TRMT10A: variants seen among roughly 807,000 people sequenced by gnomAD.
TRMT10A encodes tRNA methyltransferase 10 homolog A.
A neutral mutation model predicts 40.4 loss-of-function variants in TRMT10A; 37 were observed. The observed-to-expected ratio is 0.92, with a 90% confidence interval of 0.71 to 1.21. The LOEUF (loss-of-function observed/expected upper bound fraction) is 1.21, where lower values mean the gene tolerates loss of function less well. Among genes scored for constraint, TRMT10A ranks in the 50% most tolerant of loss-of-function variants. TRMT10A has a pLI of 0.00. For synonymous variants in TRMT10A, 103 were observed against 134.1 expected, an observed-to-expected ratio of 0.77 and a Z score of 1.60; for missense variants, 388 against 404.3, an observed-to-expected ratio of 0.96 and a Z score of 0.35.
intron 7 of TRMT10A, among the ~76,000 whole-genome samples, chr4:99,550,682 C>T (rs1723926725): frequency 1.3e-5 from 2 of 152,110 alleles, no homozygotes; most frequent in Admixed American, 1.3e-4. Flanking sequence ...TGTAGTAAGA[C>T]ACAGCTAATT....
chr4:99,562,201 A>ATATATATATGTGTG (rs374134499), intron 1 of TRMT10A, among the ~76,000 whole-genome samples: 3 of 136,188 alleles, frequency 2.2e-5, no homozygotes, highest in African/African-American at 8.6e-5. Flanking sequence ...ATATATATAT[A>ATATATATATGTGTG]TGTGTGTGTG....
chr4:99,556,633 C>T (rs1466190819), intron 4 of TRMT10A, among the ~76,000 whole-genome samples: 1 of 151,964 alleles, frequency 6.6e-6, no homozygotes, highest in Non-Finnish European at 1.5e-5. Flanking sequence ...AAGGGGTCTA[C>T]TACAGATAAA....
At position 99,548,435 on chromosome 4, in the gene TRMT10A, G is replaced by T. The variant is rs972644225; in HGVS notation, c.*653C>A. On this transcript the variant is annotated 3_prime_UTR_variant, in exon 8 of 8. Coordinates refer to ENST00000394876, the MANE Select transcript of TRMT10A (RefSeq NM_001134665.3). ...ATAATTGAAGTAACTTATCACCATTGTAAGAATTAAGAAAATGCATTAAAG... is the reference window on the plus strand; with the variant it reads ...ATAATTGAAGTAACTTATCACCATTTTAAGAATTAAGAAAATGCATTAAAG... The T allele has an allele frequency of 2.0e-5, 3 of 152,010 alleles. No individual in the cohort carries two copies. Among genetic ancestry groups the T allele is most frequent in the Admixed American group, 2.0e-4 (3 of 15,256 alleles). The allele number at this position is 152,010 out of a possible 1,614,324, so 9.4% of individuals were successfully genotyped here.
chr4:99,559,152 A>T lies in TRMT10A; in HGVS notation c.185+2T>A. ...AGAGCATATACATTTTGAAACACAT[A>T]CTTGCGGAGTTCCCGTTGCTCTTCC... On this transcript the variant is annotated splice_donor_variant, in intron 2 of 7. Transcript: ENST00000394876. LOFTEE classifies it high-confidence loss of function. 6.2e-7 allele frequency: 1 copy of T among 1,610,350 alleles called. No homozygotes were observed.
rs1723804557 is a variant in TRMT10A, at chr4:99,548,078, C to T, written c.*1010G>A. Reference sequence around the variant, plus strand: ...AGCGTGTTCAACACAACCATTCACACAAGTAATACAGATATATGGCAATTC... The same window carrying T: ...AGCGTGTTCAACACAACCATTCACATAAGTAATACAGATATATGGCAATTC... On this transcript the variant is annotated 3_prime_UTR_variant, in exon 8 of 8. Coordinates refer to ENST00000394876, the MANE Select transcript of TRMT10A (RefSeq NM_001134665.3). The T allele has an allele frequency of 6.6e-6, 1 of 152,010 alleles. No homozygotes were observed. Among genetic ancestry groups the T allele is most frequent in the African/African-American group, 2.4e-5 (1 of 41,396 alleles). The allele number at this position is 152,010 out of a possible 1,614,324, so 9.4% of individuals were successfully genotyped here. A position where few individuals can be genotyped will look rare whatever the true frequency, so the allele number is the denominator to read the frequency against.
Position 99,563,998 on chromosome 4 carries a change from A to C in TRMT10A, c.-109T>G. ...GGTTACGGCTCACGCTTCCTTCCAC[A>C]GAAACTTCAATTCCCAGAGGCAGGG... On this transcript the variant is annotated 5_prime_UTR_variant, in exon 1 of 8. Coordinates refer to ENST00000394876, the MANE Select transcript of TRMT10A (RefSeq NM_001134665.3). 2.1e-6 allele frequency: 3 copies of C among 1,452,160 alleles called. No homozygotes were observed. Among genetic ancestry groups the C allele is most frequent in the Non-Finnish European group, 2.8e-6 (3 of 1,071,870 alleles). 90.0% of individuals were successfully genotyped at this position (1,452,160 alleles called of 1,614,324 possible). A position where few individuals can be genotyped will look rare whatever the true frequency, so the allele number is the denominator to read the frequency against.
In TRMT10A at chr4:99,548,146, G is replaced by A. The variant is rs1723806982; in HGVS notation, c.*942C>T. 1.3e-5 allele frequency: 2 copies of A among 152,066 alleles called. No homozygotes were observed. Among genetic ancestry groups the A allele is most frequent in the African/African-American group, 4.8e-5 (2 of 41,430 alleles). 9.4% of individuals were successfully genotyped at this position (152,066 alleles called of 1,614,324 possible). A position where few individuals can be genotyped will look rare whatever the true frequency, so the allele number is the denominator to read the frequency against. On this transcript the variant is annotated 3_prime_UTR_variant, in exon 8 of 8. Coordinates refer to ENST00000394876, the MANE Select transcript of TRMT10A (RefSeq NM_001134665.3). Reference sequence around the variant, plus strand: ...TTAAGAACTGAGAGCCATACATGATGAGGATAGTTATGTATTTACATGCAT... The same window carrying A: ...TTAAGAACTGAGAGCCATACATGATAAGGATAGTTATGTATTTACATGCAT...
intron 1 of TRMT10A, 102 bp downstream of exon 1, chr4:99,563,811 C>A: frequency 1.6e-6 from 1 of 618,322 alleles, no homozygotes; most frequent in South Asian, 1.5e-5. Context: ...CCCTCTCCCC[C>A]GGAAGCCCTT....
chr4:99,558,504 A>C (rs1001899632), intron 2 of TRMT10A, among the ~76,000 whole-genome samples: 1 of 152,118 alleles, frequency 6.6e-6, no homozygotes, highest in Non-Finnish European at 1.5e-5. Flanking sequence ...TAACCTTATA[A>C]ATACTGAGTT....
At chr4:99,562,201 A>ATATGTGTGTG (rs374134499) in intron 1 of TRMT10A, among the ~76,000 whole-genome samples, 140 of 136,180 alleles carry the variant, frequency 1.0e-3, no homozygotes, top group African/African-American at 3.4e-3. Flanking sequence ...ATATATATAT[A>ATATGTGTGTG]TGTGTGTGTG....
At chr4:99,554,809 GAC>G in intron 5 of TRMT10A, among the ~76,000 whole-genome samples, 1 of 150,882 alleles carries the variant, frequency 6.6e-6, no homozygotes, top group East Asian at 1.9e-4. Context: ...TCTACAAAGA[GAC>G]ACACATTTGA....
chr4:99,554,670 G>A (rs978658004), intron 5 of TRMT10A, among the ~76,000 whole-genome samples: 2 of 135,528 alleles, frequency 1.5e-5, no homozygotes, highest in African/African-American at 5.7e-5. Context: ...GCAGTGAGCC[G>A]AGATTGCACC....
In TRMT10A at chr4:99,553,794, G is replaced by A; in HGVS notation, c.636C>T (p.Asn212=). The change falls in exon 6 of 8, where the codon AAC becomes AAT. Residue 212 remains asparagine (N), a synonymous_variant. Coordinates refer to ENST00000394876, the MANE Select transcript of TRMT10A (RefSeq NM_001134665.3). ...AAAAATTTAATAGTACCTTGTGATGGTTGTGATCTACTAATCCTCCAATCA... is the reference window on the plus strand; with the variant it reads ...AAAAATTTAATAGTACCTTGTGATGATTGTGATCTACTAATCCTCCAATCA... ...AYVIGGLVDH[N]HHKGLTYKQA... 3.1e-6 allele frequency: 5 copies of A among 1,608,018 alleles called. No homozygotes were observed. The highest frequency in any genetic ancestry group is 4.2e-6 in the Non-Finnish European group (5 of 1,178,470).
At chr4:99,561,851 A>G (rs1724410892) in intron 1 of TRMT10A, among the ~76,000 whole-genome samples, 1 of 152,154 alleles carries the variant, frequency 6.6e-6, no homozygotes, top group African/African-American at 2.4e-5. Flanking sequence ...AAGTTCAACA[A>G]ATGTTCAAGA....
chr4:99,559,166 C>G lies in TRMT10A; in HGVS notation c.173G>C (p.Arg58Pro), dbSNP rs147514114. The G allele has an allele frequency of 6.2e-7, 1 of 1,611,828 alleles. No individual in the cohort carries two copies. The highest frequency in any genetic ancestry group is 1.1e-5 in the South Asian group (1 of 90,692). ...LIKQKQWEEQ[R>P]ELRKQKRKEK... ...TTGAAACACATACTTGCGGAGTTCC[C>G]GTTGCTCTTCCCATTGTTTCTGTTT... The change falls in exon 2 of 8, where the codon CGG becomes CCG. Residue 58 changes from arginine to proline, a missense_variant. Physicochemically the swap from Arg to Pro is moderately radical, Grantham distance 103. Transcript: ENST00000394876.
intron 1 of TRMT10A, among the ~76,000 whole-genome samples, chr4:99,562,569 A>C (rs930276274): frequency 1.0e-4 from 12 of 114,978 alleles, no homozygotes; most frequent in Non-Finnish European, 1.6e-4. Flanking sequence ...TAGGTCGCCC[A>C]GGCTGGAGTG....
At chr4:99,555,701 T>C (rs1381055533) in intron 5 of TRMT10A, among the ~76,000 whole-genome samples, 2 of 152,174 alleles carry the variant, frequency 1.3e-5, no homozygotes, top group African/African-American at 2.4e-5. Context: ...TTCACATTCA[T>C]AGCACATCTC....
intron 2 of TRMT10A, 141 bp downstream of exon 2, chr4:99,559,013 G>T: frequency 2.2e-6 from 2 of 896,746 alleles, no homozygotes; most frequent in Non-Finnish European, 3.2e-6. Flanking sequence ...CTTCTCTTGC[G>T]TTTTTCTTTA....
At position 99,561,752 on chromosome 4, in the gene TRMT10A, G is replaced by C. The variant is rs141894257; in HGVS notation, c.-24+2161C>G. Among the ~76,000 whole-genome samples, 752 of 152,200 alleles carry C rather than the reference G, an allele frequency of 4.9e-3. 4 individuals carry two copies. Among genetic ancestry groups the C allele is most frequent in the Non-Finnish European group, 8.0e-3 (543 of 68,006 alleles). Reference sequence around the variant, plus strand: ...ACTTGCTTTCTAATTGTTTTAGTTTGGGCAATAATTTATAAAATTCCATGG... The same window carrying C: ...ACTTGCTTTCTAATTGTTTTAGTTTCGGCAATAATTTATAAAATTCCATGG... On this transcript the variant is annotated intron_variant, in intron 1 of 7. Transcript: ENST00000394876.
Sources: allele counts gnomAD v4.1 joint callset (sites outside exome capture counted in the v4.1 genomes callset), GRCh38; gene constraint gnomAD v4.1.1; transcripts MANE v1.5; gene names NCBI Gene and HGNC (gene_info 2026-07-23, HGNC 2026-07-21).